The following ST8SIA4 variants were observed in gnomAD, a reference collection of about 807,000 sequenced individuals.
ST8SIA4 encodes the protein CMP-N-acetylneuraminate-poly-alpha-2,8-sialyltransferase.
ST8SIA4 carries 15 observed loss-of-function variants against 33.9 expected under a neutral mutation model. That is an observed-to-expected ratio of 0.44 (90% CI 0.30 to 0.68). The LOEUF (loss-of-function observed/expected upper bound fraction) is 0.68. Ranked by LOEUF, ST8SIA4 falls within the 30% of genes least tolerant of loss-of-function variation. The probability of loss-of-function intolerance (pLI) is 0.10; values close to 1 mark genes in which losing one functional copy is unlikely to be tolerated. For missense variants in ST8SIA4, 321 were observed against 428.0 expected, an observed-to-expected ratio of 0.75 and a Z score of 2.21; for synonymous variants, 171 against 151.2, an observed-to-expected ratio of 1.13 and a Z score of -0.96.
At chr5:100,867,830 G>T (rs745594451) in intron 3 of ST8SIA4, among the ~76,000 whole-genome samples, 13 of 151,902 alleles carry the variant, frequency 8.6e-5, no homozygotes, top group Admixed American at 3.3e-4. Context: ...AAAGATGTAG[G>T]CATTCTAATA....
In ST8SIA4 at chr5:100,895,724, C is replaced by A. The variant is rs140658602; in HGVS notation, c.175G>T (p.Ala59Ser). ...VNSSDKIIRK[A>S]GSSIFQHNVE... The stretch of plus-strand genomic sequence containing the variant: ...TTGTGCTGGAAGATTGAAGAGCCAG[C>A]CTTTCGAATGATTTTATCAGAGCTA... The change falls in exon 2 of 5, where the codon GCT becomes TCT. Residue 59 changes from alanine to serine, a missense_variant. Ala to Ser is a moderately conservative substitution (Grantham distance 99). Transcript: ENST00000231461. The A allele has an allele frequency of 2.5e-6, 4 of 1,612,756 alleles. No individual in the cohort carries two copies. The African/African-American group carries it at 4.0e-5, about 16-fold the overall frequency.
intron 3 of ST8SIA4, among the ~76,000 whole-genome samples, chr5:100,868,440 A>G (rs1752124681): frequency 6.6e-6 from 1 of 152,038 alleles, no homozygotes; most frequent in Admixed American, 6.6e-5. Flanking sequence ...ATATTAAAAG[A>G]CACTGCTCTA....
chr5:100,853,435 G>A (rs1321778822), intron 4 of ST8SIA4, among the ~76,000 whole-genome samples: 2 of 152,114 alleles, frequency 1.3e-5, no homozygotes, highest in African/African-American at 4.8e-5. Context: ...CTTTAAGAGG[G>A]TATATGTAGA....
At chr5:100,846,044 C>A (rs1446240872) in intron 4 of ST8SIA4, among the ~76,000 whole-genome samples, 2 of 151,918 alleles carry the variant, frequency 1.3e-5, no homozygotes, top group African/African-American at 4.8e-5. Context: ...GCATTAATTT[C>A]ATAATTTAGT....
intron 4 of ST8SIA4, among the ~76,000 whole-genome samples, chr5:100,850,810 GTATA>G (rs1751678895): frequency 6.6e-6 from 1 of 151,202 alleles, no homozygotes; most frequent in African/African-American, 2.4e-5. Flanking sequence ...ACATGTGTGT[GTATA>G]TATATGTATA....
At chr5:100,899,261 C>A (rs1752845602) in intron 1 of ST8SIA4, among the ~76,000 whole-genome samples, 1 of 152,226 alleles carries the variant, frequency 6.6e-6, no homozygotes, top group East Asian at 1.9e-4. Flanking sequence ...ACACAGCAGG[C>A]CATTTTGTAT....
At chr5:100,831,366 C>G (rs970156347) in intron 4 of ST8SIA4, among the ~76,000 whole-genome samples, 1 of 152,088 alleles carries the variant, frequency 6.6e-6, no homozygotes, top group Non-Finnish European at 1.5e-5. Flanking sequence ...CTTGCAGGTG[C>G]CACATCAAGA....
At chr5:100,862,808 G>A (rs1353251795) in intron 3 of ST8SIA4, among the ~76,000 whole-genome samples, 1 of 152,170 alleles carries the variant, frequency 6.6e-6, no homozygotes, top group Non-Finnish European at 1.5e-5. Context: ...CACTATTGCT[G>A]TTTTCCAATG....
chr5:100,831,107 T>C (rs569839503), intron 4 of ST8SIA4, among the ~76,000 whole-genome samples: 22 of 152,364 alleles, frequency 1.4e-4, no homozygotes, highest in Non-Finnish European at 2.5e-4. Context: ...CAGAGGTAAT[T>C]AGTTACATTA....
intron 4 of ST8SIA4, among the ~76,000 whole-genome samples, chr5:100,817,412 T>C (rs1326912019): frequency 6.6e-6 from 1 of 152,142 alleles, no homozygotes; most frequent in African/African-American, 2.4e-5. Flanking sequence ...TAAATAAATG[T>C]ATGTTTTTTG....
chr5:100,900,023 A>T (rs1226590273), intron 1 of ST8SIA4, among the ~76,000 whole-genome samples: 2 of 152,106 alleles, frequency 1.3e-5, no homozygotes, highest in Non-Finnish European at 2.9e-5. Flanking sequence ...GAGAATGTGG[A>T]TGGTTGGTGA....
chr5:100,812,009 A>G lies in ST8SIA4; in HGVS notation c.918T>C (p.Asp306=), dbSNP rs1024197941. The G allele has an allele frequency of 3.1e-6, 5 of 1,614,042 alleles. No individual in the cohort carries two copies. Among genetic ancestry groups the G allele is most frequent in the Non-Finnish European group, 4.2e-6 (5 of 1,180,014 alleles). ...HLYGFWPFPK[D]LNGKAVKYHY... ...GATATTTGACCGCTTTTCCATTTAA[A>G]TCCTTAGGGAAGGGCCAGAATCCAT... Residue 306 remains aspartate (D), a synonymous_variant, in exon 5 of 5, where the codon GAT becomes GAC. Transcript: ENST00000231461.
chr5:100,852,846 T>C (rs971943792), intron 4 of ST8SIA4, among the ~76,000 whole-genome samples: 26 of 152,332 alleles, frequency 1.7e-4, no homozygotes, highest in African/African-American at 6.3e-4. Flanking sequence ...AGTAATGATG[T>C]CTGACCATAT....
chr5:100,851,991 A>G (rs1266882878), intron 4 of ST8SIA4, among the ~76,000 whole-genome samples: 2 of 151,868 alleles, frequency 1.3e-5, no homozygotes, highest in Non-Finnish European at 1.5e-5. Context: ...TTGTATATTA[A>G]TAATTTTCTT....
At chr5:100,853,756 T>C (rs1751751915) in intron 4 of ST8SIA4, among the ~76,000 whole-genome samples, 1 of 152,200 alleles carries the variant, frequency 6.6e-6, no homozygotes, top group Non-Finnish European at 1.5e-5. Flanking sequence ...TATAACACTA[T>C]CTGGATTCTA....
At chr5:100,862,967 C>G (rs1751979982) in intron 3 of ST8SIA4, among the ~76,000 whole-genome samples, 1 of 152,164 alleles carries the variant, frequency 6.6e-6, no homozygotes. Flanking sequence ...AGAACTTGGT[C>G]AAAAGTTCAG....
At chr5:100,891,624 A>C (rs1321423456) in intron 2 of ST8SIA4, among the ~76,000 whole-genome samples, 2 of 152,178 alleles carry the variant, frequency 1.3e-5, no homozygotes, top group East Asian at 1.9e-4. Flanking sequence ...TACACCCTAG[A>C]GTGCCATTTG....
rs1752643691 is a variant in ST8SIA4 at position 100,890,772 on chromosome 5, A to T, written c.246-4172T>A. On this transcript the variant is annotated intron_variant, in intron 2 of 4. Transcript: ENST00000231461. The stretch of plus-strand genomic sequence containing the variant: ...TAAATTGAGCAACTATTTTAACATT[A>T]AAGATAACTGAAGGAATCTGAAAAT... 6 of 152,084 alleles carry T rather than the reference A, an allele frequency of 3.9e-5. No homozygotes were observed. The South Asian group carries it at 1.2e-3, about 31-fold the overall frequency. 9.4% of individuals were successfully genotyped at this position (152,084 alleles called of 1,614,324 possible).
chr5:100,882,644 C>T (rs1369779083), intron 3 of ST8SIA4, among the ~76,000 whole-genome samples: 2 of 152,152 alleles, frequency 1.3e-5, no homozygotes, highest in Non-Finnish European at 2.9e-5. Flanking sequence ...ACCTGGAGAC[C>T]TAGGAGAAAA....
Sources: gnomAD v4.1 joint callset for allele counts (sites outside exome capture counted in the v4.1 genomes callset) on GRCh38, gnomAD v4.1.1 for gene constraint, MANE v1.5 for transcripts, NCBI Gene and HGNC (gene_info 2026-07-23, HGNC 2026-07-21) for gene names.